EPB41L4A: variants seen among roughly 807,000 people sequenced by gnomAD.
EPB41L4A encodes erythrocyte membrane protein band 4.1 like 4A, also known as band 4.1-like protein 4A.
Under a neutral mutation model 108.6 loss-of-function variants are expected in EPB41L4A, and 100 were observed. The observed-to-expected ratio is 0.92, with a 90% CI of 0.78 to 1.09. EPB41L4A has a LOEUF of 1.09. Ranked by LOEUF, EPB41L4A falls within the 50% of genes least tolerant of loss-of-function variation. The pLI is 0.00. For missense variants in EPB41L4A, 1,030 were observed against 842.7 expected (o/e 1.22, Z -2.75); for synonymous variants, 319 against 289.0 (o/e 1.10, Z -1.05).
At chr5:112,205,997 T>A (rs1762454566) in intron 13 of EPB41L4A, 1 of 155,150 alleles carries the variant, frequency 6.4e-6, no homozygotes, top group East Asian at 1.9e-4. Flanking sequence ...TTCCGCCTTA[T>A]CTTGGCTTCA....
chr5:112,245,939 GGA>G (rs1750181495), intron 9 of EPB41L4A, among the ~76,000 whole-genome samples: 1 of 152,230 alleles, frequency 6.6e-6, no homozygotes, highest in Admixed American at 6.5e-5. Context: ...GAGTTTGAAA[GGA>G]GGTTACCACA....
rs116197008 is a variant in EPB41L4A, at chr5:112,189,613, G to A, written c.1502+4955C>T. Among the ~76,000 whole-genome samples the A allele has an allele frequency of 9.6e-3, 1,454 of 152,154 alleles. 16 individuals carry two copies. Among genetic ancestry groups the A allele is most frequent in the Middle Eastern group, 0.024 (7 of 294 alleles). On this transcript the variant is annotated intron_variant, in intron 17 of 22. Coordinates refer to ENST00000261486, the MANE Select transcript of EPB41L4A (RefSeq NM_022140.5). ...TCCTCTAGTTCTACTATTACCCTAA[G>A]CTGCTCTCGTTTCTCTGTTTTAATA...
intron 4 of EPB41L4A, among the ~76,000 whole-genome samples, chr5:112,270,034 T>C (rs1172769447): frequency 4.6e-5 from 7 of 152,162 alleles, no homozygotes; most frequent in Non-Finnish European, 1.0e-4. Flanking sequence ...ACGAGCTAAA[T>C]TGACACCAAG....
chr5:112,180,806 A>G (rs892258701), intron 18 of EPB41L4A, among the ~76,000 whole-genome samples: 4 of 152,250 alleles, frequency 2.6e-5, no homozygotes, highest in African/African-American at 7.2e-5. Context: ...CATAACGTGC[A>G]TATCTGAAAT....
chr5:112,401,724 C>G (rs1381489056), intron 1 of EPB41L4A, among the ~76,000 whole-genome samples: 2 of 152,148 alleles, frequency 1.3e-5, no homozygotes, highest in Non-Finnish European at 2.9e-5. Flanking sequence ...GCTGAATTGA[C>G]CCAACTAGTG....
chr5:112,263,506 A>G (rs1751635263), intron 6 of EPB41L4A: 1 of 152,200 alleles, frequency 6.6e-6, no homozygotes, highest in African/African-American at 2.4e-5. Flanking sequence ...GCCTTTACCC[A>G]AAGCTCCTTG....
intron 18 of EPB41L4A, among the ~76,000 whole-genome samples, chr5:112,173,419 A>G (rs912252643): frequency 2.0e-5 from 3 of 151,966 alleles, no homozygotes; most frequent in East Asian, 1.9e-4. Context: ...TGATAACATG[A>G]TAACAGTGGA....
At chr5:112,170,210 A>C in intron 20 of EPB41L4A, 91 bp downstream of exon 20, 1 of 1,282,118 alleles carries the variant, frequency 7.8e-7, no homozygotes, top group South Asian at 1.3e-5. Context: ...AGACAAATTA[A>C]AGCACTGTCT....
intron 1 of EPB41L4A, among the ~76,000 whole-genome samples, chr5:112,324,844 T>A (rs139515955): frequency 8.6e-5 from 13 of 151,158 alleles, no homozygotes; most frequent in African/African-American, 1.7e-4. Context: ...TAATAAAGTA[T>A]AATAAACAGT....
At chr5:112,305,051 C>A (rs542677175) in intron 2 of EPB41L4A, among the ~76,000 whole-genome samples, 4 of 152,228 alleles carry the variant, frequency 2.6e-5, no homozygotes, top group African/African-American at 7.2e-5. Context: ...GGGAAGACTG[C>A]GCTGCTGCAA....
At chr5:112,359,762 C>G (rs907330869) in intron 1 of EPB41L4A, among the ~76,000 whole-genome samples, 19 of 152,040 alleles carry the variant, frequency 1.2e-4, no homozygotes, top group Admixed American at 6.5e-5. Flanking sequence ...GGATGGTCTC[C>G]ATCTCCTGAC....
rs750942586 is a variant in EPB41L4A, at chr5:112,240,761, T to C, written c.845A>G (p.Lys282Arg). 1.3e-6 allele frequency: 2 copies of C among 1,586,556 alleles called. No individual in the cohort carries two copies. Among genetic ancestry groups the C allele is most frequent in the South Asian group, 1.2e-5 (1 of 84,518 alleles). Residue 282 changes from lysine to arginine, a missense_variant, in exon 10 of 23, where the codon AAG (lysine) becomes AGG (arginine). Lys to Arg is a conservative substitution (Grantham distance 26). Transcript: ENST00000261486. ...TTCCACACTGCACTTCCAGAGGTGC[T>C]TGCAAGCAGTTTTACTCCGAGCTTC... ...FFEARSKTAC[K>R]HLWKCSVEHH...
At chr5:112,392,409 A>G (rs1439990967) in intron 1 of EPB41L4A, among the ~76,000 whole-genome samples, 2 of 148,178 alleles carry the variant, frequency 1.3e-5, no homozygotes, top group African/African-American at 2.5e-5. Context: ...AGCAAAAAAA[A>G]AAAAAAAAAA....
intron 1 of EPB41L4A, among the ~76,000 whole-genome samples, chr5:112,327,812 A>G (rs1280846035): frequency 6.6e-6 from 1 of 152,080 alleles, no homozygotes; most frequent in East Asian, 1.9e-4. Flanking sequence ...AGAAAGGGAG[A>G]GAGGGAGGGA....
chr5:112,195,520 G>C, intron 16 of EPB41L4A, 141 bp downstream of exon 16: 2 of 695,004 alleles, frequency 2.9e-6, no homozygotes, highest in Admixed American at 5.4e-5. Flanking sequence ...GGAAGACTGG[G>C]AATCAGCTGA....
chr5:112,204,332 C>A (rs779865314), intron 15 of EPB41L4A, 43 bp downstream of exon 15: 12 of 1,351,682 alleles, frequency 8.9e-6, no homozygotes, highest in Admixed American at 6.7e-5. Flanking sequence ...GGACAAAATG[C>A]TTCTGTTGAA....
chr5:112,253,975 G>A (rs1391425587), intron 9 of EPB41L4A, among the ~76,000 whole-genome samples: 1 of 152,128 alleles, frequency 6.6e-6, no homozygotes, highest in Non-Finnish European at 1.5e-5. Context: ...CGCTTCCCGT[G>A]TACTCTCCTT....
At chr5:112,176,743 CTTTTTTTTTTTT>C (rs59150913) in intron 18 of EPB41L4A, among the ~76,000 whole-genome samples, 2 of 65,848 alleles carry the variant, frequency 3.0e-5, no homozygotes, top group Admixed American at 2.1e-4. Context: ...ACCAGAGCAA[CTTTTTTTTTTTT>C]TTTTTTTTTT....
At chr5:112,253,211 C>T (rs902686384) in intron 9 of EPB41L4A, among the ~76,000 whole-genome samples, 5 of 152,168 alleles carry the variant, frequency 3.3e-5, no homozygotes, top group Non-Finnish European at 7.3e-5. Flanking sequence ...AGTGATCAAA[C>T]TTGACAGCCA....
Sources: allele counts gnomAD v4.1 joint callset (sites outside exome capture counted in the v4.1 genomes callset), GRCh38; gene constraint gnomAD v4.1.1; transcripts MANE v1.5; gene names NCBI Gene and HGNC (gene_info 2026-07-23, HGNC 2026-07-21).